Variants in CNTNAP5 observed in about 807,000 individuals in gnomAD.
CNTNAP5 encodes contactin-associated protein-like 5.
Under a neutral mutation model 150.2 loss-of-function variants are expected in CNTNAP5, and 72 were observed. The observed-to-expected ratio is 0.48, with a 90% confidence interval of 0.40 to 0.58. CNTNAP5 has a LOEUF of 0.58. Among genes scored for constraint, CNTNAP5 ranks in the 20% least tolerant of loss-of-function variants. The pLI is 0.00. For synonymous variants in CNTNAP5, 672 were observed against 619.8 expected, an observed-to-expected ratio of 1.08 and a Z score of -1.25; for missense variants, 1,636 against 1,626.2, an observed-to-expected ratio of 1.01 and a Z score of -0.10.
At chr2:124,704,567 T>C (rs1481628550) in intron 13 of CNTNAP5, among the ~76,000 whole-genome samples, 1 of 152,226 alleles carries the variant, frequency 6.6e-6, no homozygotes, top group East Asian at 1.9e-4. Flanking sequence ...TTTTAAAATA[T>C]CATTAATTGA....
chr2:124,072,939 A>T (rs1168616960), intron 1 of CNTNAP5, among the ~76,000 whole-genome samples: 3 of 152,130 alleles, frequency 2.0e-5, no homozygotes, highest in Non-Finnish European at 4.4e-5. Flanking sequence ...GAGGAATCAC[A>T]TTACAGGACT....
intron 13 of CNTNAP5, among the ~76,000 whole-genome samples, chr2:124,712,745 C>CTT (rs59437788): frequency 6.8e-6 from 1 of 146,728 alleles, no homozygotes. Context: ...CACTCTCAGC[C>CTT]TTTTTTTTTT....
Position 124,828,283 on chromosome 2 carries a change from C to A in CNTNAP5, c.3217+29963C>A, listed in dbSNP as rs183364195. Among the ~76,000 whole-genome samples the A allele has an allele frequency of 1.7e-3, 254 of 152,186 alleles. 2 individuals carry two copies. Among genetic ancestry groups the A allele is most frequent in the Non-Finnish European group, 2.7e-3 (183 of 68,014 alleles). On this transcript the variant is annotated intron_variant, in intron 19 of 23. Transcript: ENST00000682447. ...GATCACGAGGTCAGGAGATCAAGACCATCCTGGTTAACATGGTGAAATCTC... is the reference window on the plus strand; with the variant it reads ...GATCACGAGGTCAGGAGATCAAGACAATCCTGGTTAACATGGTGAAATCTC...
chr2:124,588,221 TTTCTTTCTTTCTTTC>T (rs1696599102), intron 11 of CNTNAP5, among the ~76,000 whole-genome samples: 1 of 139,500 alleles, frequency 7.2e-6, no homozygotes, highest in African/African-American at 2.6e-5. Flanking sequence ...TCTTTCTTTC[TTTCTTTCTTTCTTTC>T]TTCTTTCTTT....
At chr2:124,219,935 G>T (rs1686260748) in intron 1 of CNTNAP5, among the ~76,000 whole-genome samples, 1 of 151,888 alleles carries the variant, frequency 6.6e-6, no homozygotes, top group Non-Finnish European at 1.5e-5. Flanking sequence ...GTGAGGATCT[G>T]GCTCGGTTTT....
intron 1 of CNTNAP5, among the ~76,000 whole-genome samples, chr2:124,211,299 C>A (rs1470709313): frequency 1.3e-5 from 2 of 152,180 alleles, no homozygotes; most frequent in African/African-American, 4.8e-5. Context: ...AACTTAAATT[C>A]ATCTATTTAT....
intron 13 of CNTNAP5, among the ~76,000 whole-genome samples, chr2:124,653,099 G>A (rs1340213418): frequency 6.6e-6 from 1 of 152,164 alleles, no homozygotes. Flanking sequence ...GAGCCCTACA[G>A]CATCACAGAA....
chr2:124,682,826 CA>C (rs1332831378), intron 13 of CNTNAP5, among the ~76,000 whole-genome samples: 1 of 152,136 alleles, frequency 6.6e-6, no homozygotes, highest in African/African-American at 2.4e-5. Flanking sequence ...TGAATCGTGC[CA>C]CCTTACCAGC....
chr2:124,137,661 G>C (rs1442680830), intron 1 of CNTNAP5, among the ~76,000 whole-genome samples: 1 of 152,204 alleles, frequency 6.6e-6, no homozygotes, highest in East Asian at 1.9e-4. Context: ...TTCTGGTGAG[G>C]AGTATGTGAC....
chr2:124,373,254 G>A (rs1690572433), intron 3 of CNTNAP5, among the ~76,000 whole-genome samples: 1 of 152,270 alleles, frequency 6.6e-6, no homozygotes, highest in African/African-American at 2.4e-5. Flanking sequence ...TAATCTAAAA[G>A]TAGGTGTTGC....
chr2:124,380,284 G>C (rs1304805299), intron 3 of CNTNAP5, among the ~76,000 whole-genome samples: 2 of 152,094 alleles, frequency 1.3e-5, no homozygotes, highest in African/African-American at 2.4e-5. Flanking sequence ...ATTTCCATGA[G>C]AGATAAGGAA....
chr2:124,041,451 A>C (rs1160873959), intron 1 of CNTNAP5, among the ~76,000 whole-genome samples: 2 of 149,480 alleles, frequency 1.3e-5, no homozygotes, highest in Non-Finnish European at 3.0e-5. Context: ...AGCCAAAGAC[A>C]TTGGGTGGTT....
chr2:124,435,186 G>A (rs1467090583), intron 5 of CNTNAP5, among the ~76,000 whole-genome samples: 2 of 151,942 alleles, frequency 1.3e-5, no homozygotes, highest in African/African-American at 4.8e-5. Flanking sequence ...TTTTCTTTAG[G>A]TGCCCTCACT....
intron 1 of CNTNAP5, among the ~76,000 whole-genome samples, chr2:124,052,225 C>T (rs1681715076): frequency 6.6e-6 from 1 of 152,174 alleles, no homozygotes; most frequent in Non-Finnish European, 1.5e-5. Context: ...CCTTAAATTT[C>T]ATCAGATTAA....
intron 1 of CNTNAP5, among the ~76,000 whole-genome samples, chr2:124,192,272 T>C (rs1395442149): frequency 6.6e-6 from 1 of 152,138 alleles, no homozygotes; most frequent in Non-Finnish European, 1.5e-5. Context: ...TACATTCCAT[T>C]CTTGCTCTCT....
chr2:124,587,917 G>C (rs1308410796), intron 11 of CNTNAP5, among the ~76,000 whole-genome samples: 2 of 152,016 alleles, frequency 1.3e-5, no homozygotes, highest in East Asian at 3.9e-4. Flanking sequence ...TATATATAGA[G>C]ACTTAGGGTT....
chr2:124,826,561 G>T lies in CNTNAP5; in HGVS notation c.3217+28241G>T, dbSNP rs185949705. Reference sequence around the variant, plus strand: ...TGTCTTTTGCTCCAGGGCTACACAGGGTTTGCAAAGTGTGGTCTCTGGACC... The same window carrying T: ...TGTCTTTTGCTCCAGGGCTACACAGTGTTTGCAAAGTGTGGTCTCTGGACC... On this transcript the variant is annotated intron_variant, in intron 19 of 23. Transcript: ENST00000682447. Among the ~76,000 whole-genome samples the T allele has an allele frequency of 1.3e-3, 202 of 152,076 alleles. 1 individual carries two copies. The highest frequency in any genetic ancestry group is 1.0e-2 in the Admixed American group (152 of 15,230).
intron 13 of CNTNAP5, among the ~76,000 whole-genome samples, chr2:124,706,763 AG>A (rs1558742873): frequency 3.0e-5 from 1 of 32,922 alleles, no homozygotes; most frequent in Non-Finnish European, 6.0e-5. Context: ...AAGAAGAAGA[AG>A]AAGAAGAAGA....
rs190848770 is a variant in CNTNAP5 at position 124,307,131 on chromosome 2, C to G, written c.381+64738C>G. Among the ~76,000 whole-genome samples, 587 of 152,242 alleles carry G rather than the reference C, an allele frequency of 3.9e-3. 3 individuals carry two copies. The highest frequency in any genetic ancestry group is 0.013 in the African/African-American group (554 of 41,550). On this transcript the variant is annotated intron_variant, in intron 3 of 23. Transcript: ENST00000682447. ...GGATGGCTTGAATAACAAACATTTG[C>G]CTTTCATGACTCTGGAGCCTGGAAG...
Sources: allele counts gnomAD v4.1 joint callset (sites outside exome capture counted in the v4.1 genomes callset), GRCh38; gene constraint gnomAD v4.1.1; transcripts MANE v1.5; gene names NCBI Gene and HGNC (gene_info 2026-07-23, HGNC 2026-07-21).